The following TTC21B variants were observed in gnomAD, a reference collection of about 807,000 sequenced individuals.
The protein encoded by TTC21B is tetratricopeptide repeat domain 21B, also known as tetratricopeptide repeat protein 21B.
TTC21B carries 127 observed loss-of-function variants against 175.1 expected under a neutral mutation model. That is an observed-to-expected ratio of 0.73 (90% CI 0.63 to 0.84). The LOEUF (loss-of-function observed/expected upper bound fraction) is 0.84, where lower values mean the gene tolerates loss of function less well. TTC21B is among the 40% of genes least tolerant of loss of function. The probability of loss-of-function intolerance (pLI) is 0.00; values close to 1 mark genes in which losing one functional copy is unlikely to be tolerated. For missense variants in TTC21B, 1,561 were observed against 1,558.3 expected (o/e 1.00, Z -0.03); for synonymous variants, 524 against 524.5 (o/e 1.00, Z 0.01).
intron 11 of TTC21B, among the ~76,000 whole-genome samples, chr2:165,927,959 G>A (rs1436215017): frequency 6.6e-6 from 1 of 152,178 alleles, no homozygotes; most frequent in Non-Finnish European, 1.5e-5. Context: ...ATATCCCTGT[G>A]CTGAATGTGA....
At chr2:165,915,726 C>T (rs1686145106) in intron 14 of TTC21B, among the ~76,000 whole-genome samples, 1 of 152,104 alleles carries the variant, frequency 6.6e-6, no homozygotes, top group South Asian at 2.1e-4. Context: ...TTACTAAGCA[C>T]CCAGCATTGA....
chr2:165,931,538 T>A (rs1335838141), intron 8 of TTC21B, among the ~76,000 whole-genome samples: 1 of 152,160 alleles, frequency 6.6e-6, no homozygotes, highest in Non-Finnish European at 1.5e-5. Flanking sequence ...TCGCTATGCT[T>A]AAAAGATCAG....
Position 165,945,696 on chromosome 2 carries a change from A to G in TTC21B, c.263-6T>C. The G allele has an allele frequency of 1.2e-6, 2 of 1,612,256 alleles. No homozygotes were observed. The highest frequency in any genetic ancestry group is 1.7e-6 in the Non-Finnish European group (2 of 1,179,474). The stretch of plus-strand genomic sequence containing the variant: ...TTCCAGAATAGCTTCTCTATCTGGT[A>G]GGGGAAAATGATATTAAATAAAAAT... On this transcript the variant is annotated splice_polypyrimidine_tract_variant and splice_region_variant and intron_variant, in intron 3 of 28. Coordinates refer to ENST00000243344, the MANE Select transcript of TTC21B (RefSeq NM_024753.5).
At chr2:165,891,085 A>G in intron 22 of TTC21B, 97 bp from the exon 23 acceptor site, 1 of 1,069,806 alleles carries the variant, frequency 9.3e-7, no homozygotes, top group Non-Finnish European at 1.4e-6. Context: ...TACTTCATAT[A>G]AAGTACATTT....
intron 1 of TTC21B, among the ~76,000 whole-genome samples, chr2:165,951,321 G>A (rs771797365): frequency 5.9e-5 from 9 of 152,072 alleles, no homozygotes; most frequent in Non-Finnish European, 1.2e-4. Flanking sequence ...GCCTCAGTCT[G>A]CTCATTTATA....
intron 8 of TTC21B, 120 bp from the exon 9 acceptor site, chr2:165,930,484 AAATT>A (rs1686848020): frequency 1.5e-6 from 1 of 657,938 alleles, no homozygotes; most frequent in Non-Finnish European, 2.3e-6. Flanking sequence ...AAAAAGAAAA[AAATT>A]AATAATTAAG....
intron 24 of TTC21B, among the ~76,000 whole-genome samples, chr2:165,889,010 T>A (rs1685099689): frequency 6.6e-6 from 1 of 151,864 alleles, no homozygotes; most frequent in Non-Finnish European, 1.5e-5. Flanking sequence ...ATCTACTCTG[T>A]TCTCTTCACC....
rs950311360 is a variant in TTC21B at position 165,873,809 on chromosome 2, T to C, written c.*946A>G. ...AAGGGAAACACACACTCTACCCTTT[T>C]CTAAAAAAGATTTTTCAATGAAAGT... On this transcript the variant is annotated 3_prime_UTR_variant, in exon 29 of 29. Coordinates refer to ENST00000243344, the MANE Select transcript of TTC21B (RefSeq NM_024753.5). 2.0e-5 allele frequency: 3 copies of C among 152,114 alleles called. No individual in the cohort carries two copies. 9.4% of individuals were successfully genotyped at this position (152,114 alleles called of 1,614,324 possible). A position where few individuals can be genotyped will look rare whatever the true frequency, so the allele number is the denominator to read the frequency against.
At chr2:165,898,656 A>T (rs756969326) in intron 22 of TTC21B, 30 bp downstream of exon 22, 1 of 1,431,152 alleles carries the variant, frequency 7.0e-7, no homozygotes, top group Non-Finnish European at 9.9e-7. Context: ...GGGTGACTGC[A>T]CTCAAAAAAT....
chr2:165,881,139 C>A (rs1321190100), intron 26 of TTC21B, among the ~76,000 whole-genome samples: 1 of 152,122 alleles, frequency 6.6e-6, no homozygotes. Context: ...GAACCCTTAT[C>A]TTCAATAATT....
intron 19 of TTC21B, among the ~76,000 whole-genome samples, chr2:165,907,149 C>G (rs1243214866): frequency 6.6e-6 from 1 of 150,712 alleles, no homozygotes; most frequent in African/African-American, 2.4e-5. Flanking sequence ...TTTAATATAC[C>G]ACATTTGAAA....
At chr2:165,909,030 G>A (rs1043504594) in intron 18 of TTC21B, among the ~76,000 whole-genome samples, 2 of 152,006 alleles carry the variant, frequency 1.3e-5, no homozygotes, top group African/African-American at 4.8e-5. Flanking sequence ...CTCATCATGT[G>A]TTCAAATGTA....
chr2:165,931,911 A>C, intron 7 of TTC21B, 55 bp from the exon 8 acceptor site: 1 of 1,097,274 alleles, frequency 9.1e-7, no homozygotes, highest in Non-Finnish European at 1.4e-6. Context: ...AAACAACATA[A>C]TACATGCACA....
At chr2:165,893,503 T>C (rs1685264775) in intron 22 of TTC21B, among the ~76,000 whole-genome samples, 1 of 152,220 alleles carries the variant, frequency 6.6e-6, no homozygotes, top group African/African-American at 2.4e-5. Flanking sequence ...CATTCACTTG[T>C]CTTTGGTTAA....
intron 3 of TTC21B, chr2:165,947,572 A>C (rs781157730): frequency 3.9e-5 from 6 of 152,146 alleles, no homozygotes; most frequent in Non-Finnish European, 8.8e-5. Context: ...CAAAAAAAAC[A>C]ACCACCAGGC....
chr2:165,884,718 T>G (rs1439284203), intron 25 of TTC21B, among the ~76,000 whole-genome samples: 1 of 152,210 alleles, frequency 6.6e-6, no homozygotes, highest in Non-Finnish European at 1.5e-5. Flanking sequence ...AATGTCACTC[T>G]GTGAAACCAA....
At chr2:165,901,105 C>T (rs1211482519) in intron 20 of TTC21B, among the ~76,000 whole-genome samples, 20 of 151,954 alleles carry the variant, frequency 1.3e-4, no homozygotes, top group African/African-American at 4.3e-4. Flanking sequence ...TTTACCCATG[C>T]TGCCTAGGCT....
intron 27 of TTC21B, among the ~76,000 whole-genome samples, chr2:165,876,788 T>G (rs146870181): frequency 1.2e-4 from 18 of 152,330 alleles, no homozygotes; most frequent in African/African-American, 4.3e-4. Context: ...AAGAGATGTC[T>G]GAAATCTGAA....
intron 22 of TTC21B, among the ~76,000 whole-genome samples, chr2:165,897,283 T>G (rs1484818218): frequency 6.6e-6 from 1 of 152,158 alleles, no homozygotes; most frequent in Non-Finnish European, 1.5e-5. Context: ...GCTGCAATAA[T>G]CTATGTGGAA....
Sources: gnomAD v4.1 joint callset for allele counts (sites outside exome capture counted in the v4.1 genomes callset) on GRCh38, gnomAD v4.1.1 for gene constraint, MANE v1.5 for transcripts, NCBI Gene and HGNC (gene_info 2026-07-23, HGNC 2026-07-21) for gene names.